KIF1A: variants seen among roughly 807,000 people sequenced by gnomAD.
KIF1A encodes the protein kinesin family member 1A, also known as kinesin-like protein KIF1A.
Under a neutral mutation model 227.3 loss-of-function variants are expected in KIF1A, and 46 were observed. The observed-to-expected ratio is 0.20, with a 90% CI of 0.16 to 0.26. The LOEUF is 0.26. Among genes scored for constraint, KIF1A ranks in the 10% least tolerant of loss-of-function variants. The pLI, the probability that KIF1A is intolerant of heterozygous loss-of-function variation, is 1.00. For synonymous variants in KIF1A, 1,022 were observed against 1,012.8 expected (o/e 1.01, Z -0.17); for missense variants, 1,683 against 2,485.9 (o/e 0.68, Z 6.87).
intron 2 of KIF1A, among the ~76,000 whole-genome samples, chr2:240,791,039 C>T (rs1171124254): frequency 6.6e-6 from 1 of 152,160 alleles, no homozygotes; most frequent in East Asian, 1.9e-4. Flanking sequence ...CACCTGCGCC[C>T]CCATCCCAGG....
intron 28 of KIF1A, among the ~76,000 whole-genome samples, chr2:240,749,611 C>T (rs143474082): frequency 0.018 from 2,783 of 152,312 alleles, 30 homozygotes; most frequent in Middle Eastern, 0.031. Context: ...CGGCACAAGC[C>T]GCCTGTTGCC....
At position 240,787,256 on chromosome 2, in the gene KIF1A, C is replaced by T. The variant is rs745504142; in HGVS notation, c.424G>A (p.Val142Met). The T allele has an allele frequency of 9.3e-6, 15 of 1,612,300 alleles. No homozygotes were observed. The highest frequency in any genetic ancestry group is 1.1e-5 in the South Asian group (1 of 91,062). Reference sequence around the variant, plus strand: ...CGGCAGGCGGGGAGCCCTACCTCCACGGAGTAGGACATGTTGTCGTTGGTC... The same window carrying T: ...CGGCAGGCGGGGAGCCCTACCTCCATGGAGTAGGACATGTTGTCGTTGGTC... ...DTTNDNMSYS[V>M]EVSYMEIYCE... Residue 142 changes from valine (V) to methionine (M), a missense_variant, in exon 5 of 49, where the codon GTG becomes ATG. Val to Met is a conservative substitution (Grantham distance 21). Around this residue, in one of 12 missense-constraint regions of KIF1A, gnomAD observed 75 missense variants for 131.2 expected, o/e 0.57. Coordinates refer to ENST00000498729, the MANE Select transcript of KIF1A (RefSeq NM_001244008.2).
Position 240,758,402 on chromosome 2 carries a change from T to C in KIF1A, c.2540A>G (p.Asp847Gly). 1 of 1,612,506 alleles carries C rather than the reference T, an allele frequency of 6.2e-7. No individual in the cohort carries two copies. The highest frequency in any genetic ancestry group is 8.5e-7 in the Non-Finnish European group (1 of 1,179,202). Residue 847 changes from aspartate to glycine, a missense_variant, in exon 26 of 49, where the codon GAC becomes GGC. Coordinates refer to ENST00000498729, the MANE Select transcript of KIF1A (RefSeq NM_001244008.2). This position sits in a 1 kb window ranked among gnomAD's most constrained non-coding sequence, Gnocchi z 5.2. ...EDCDNVVTGG[D>G]PFYDRFPWFR... ...CCAGGGGAAGCGGTCATAGAAGGGG[T>C]CTCCGCCGGTCACCACGTTGTCACA... is the stretch of plus-strand genomic sequence containing the variant.
chr2:240,733,154 C>T (rs1368281618), intron 38 of KIF1A, among the ~76,000 whole-genome samples: 1 of 151,998 alleles, frequency 6.6e-6, no homozygotes, highest in Non-Finnish European at 1.5e-5. Context: ...GTGTCTTAGT[C>T]ACACGTGAAA....
At chr2:240,747,494 C>T (rs1049289192) in intron 28 of KIF1A, among the ~76,000 whole-genome samples, 173 bp from the exon 29 acceptor site, 3 of 152,158 alleles carry the variant, frequency 2.0e-5, no homozygotes, top group Admixed American at 6.5e-5. Flanking sequence ...GGGCATGTCC[C>T]GGCACACTGA....
Position 240,740,176 on chromosome 2 carries a change from G to T in KIF1A, c.3817-34C>A. ...GCCAGGTGAGAGGATATGGTCAGACGGCTCAGGGGGCTACGTAGGGTGAGG... is the reference window on the plus strand; with the variant it reads ...GCCAGGTGAGAGGATATGGTCAGACTGCTCAGGGGGCTACGTAGGGTGAGG... On this transcript the variant is annotated intron_variant, in intron 36 of 48. Coordinates refer to ENST00000498729, the MANE Select transcript of KIF1A (RefSeq NM_001244008.2). This position sits in a 1 kb window ranked among gnomAD's most constrained non-coding sequence, Gnocchi z 6.1. 2 of 1,581,030 alleles carry T rather than the reference G, an allele frequency of 1.3e-6. No homozygotes were observed. The highest frequency in any genetic ancestry group is 2.3e-5 in the South Asian group (2 of 87,584).
At chr2:240,798,523 C>G (rs1181558009) in intron 1 of KIF1A, among the ~76,000 whole-genome samples, 8 of 152,228 alleles carry the variant, frequency 5.3e-5, no homozygotes, top group Non-Finnish European at 8.8e-5. Context: ...TTCGGCCTGG[C>G]CTTTACCCCA....
At chr2:240,811,030 G>A in intron 1 of KIF1A, among the ~76,000 whole-genome samples, 1 of 152,158 alleles carries the variant, frequency 6.6e-6, no homozygotes, top group Admixed American at 6.5e-5. Context: ...TGTATTCCTT[G>A]TTGTATATTT....
At chr2:240,797,619 C>A in intron 2 of KIF1A, 28 bp downstream of exon 2, 2 of 1,534,162 alleles carry the variant, frequency 1.3e-6, no homozygotes, top group Non-Finnish European at 1.8e-6. Flanking sequence ...CCATGGCCGA[C>A]CCCGATGCTG....
chr2:240,808,417 T>C (rs1216954646), intron 1 of KIF1A, among the ~76,000 whole-genome samples: 1 of 151,854 alleles, frequency 6.6e-6, no homozygotes, highest in East Asian at 1.9e-4. Context: ...CCAGCTACCA[T>C]GGAGGCTGAG....
chr2:240,783,095 G>A lies in KIF1A; in HGVS notation c.813C>T (p.Ile271=). 3 of 1,613,718 alleles carry A rather than the reference G, an allele frequency of 1.9e-6. No individual in the cohort carries two copies. The highest frequency in any genetic ancestry group is 2.5e-6 in the Non-Finnish European group (3 of 1,179,766). ...TGCCCAGGGTGGTCAGCGACTTGTTGATGTTGGCCCCCTCCTGCGGGCAGA... is the reference window on the plus strand; with the variant it reads ...TGCCCAGGGTGGTCAGCGACTTGTTAATGTTGGCCCCCTCCTGCGGGCAGA... ...KGTRLKEGAN[I]NKSLTTLGKV... The change falls in exon 9 of 49, where the codon ATC becomes ATT. Residue 271 remains isoleucine (I), a synonymous_variant. Coordinates refer to ENST00000498729, the MANE Select transcript of KIF1A (RefSeq NM_001244008.2).
intron 14 of KIF1A, 157 bp from the exon 15 acceptor site, chr2:240,771,261 G>C: frequency 2.3e-6 from 2 of 877,146 alleles, no homozygotes; most frequent in African/African-American, 1.7e-5. Flanking sequence ...GTAAGAGATG[G>C]GGCCCAGAGA....
chr2:240,756,061 T>A (rs1338892300), intron 27 of KIF1A, among the ~76,000 whole-genome samples: 1 of 151,952 alleles, frequency 6.6e-6, no homozygotes, highest in African/African-American at 2.4e-5. Context: ...AATAAATCCA[T>A]GGCACCTGCC....
chr2:240,784,816 C>T lies in KIF1A; in HGVS notation c.720+173G>A, dbSNP rs919403385. ...AGGCATGGGAGAAGGGCCTCTGGGG[C>T]GGGGGGGGGGACGTCCACACCTGGT... On this transcript the variant is annotated intron_variant, in intron 7 of 48. Transcript: ENST00000498729. Among the ~76,000 whole-genome samples, 6 of 138,068 alleles carry T rather than the reference C, an allele frequency of 4.3e-5. No homozygotes were observed. In the East Asian group the frequency reaches 9.0e-4, roughly 21 times the overall value. The allele number at this position is 138,068 out of a possible 152,430, so 90.6% of individuals were successfully genotyped here.
intron 38 of KIF1A, among the ~76,000 whole-genome samples, chr2:240,735,119 A>G (rs73011029): frequency 0.033 from 4,986 of 152,258 alleles, 131 homozygotes; most frequent in Middle Eastern, 0.071. Context: ...ACAGTCCCCA[A>G]GACTGCTCCA....
intron 1 of KIF1A, among the ~76,000 whole-genome samples, chr2:240,803,973 T>C (rs2057185400): frequency 6.6e-6 from 1 of 152,210 alleles, no homozygotes; most frequent in Non-Finnish European, 1.5e-5. Context: ...TTAAAATTAA[T>C]ATTTCCTGCC....
rs772025810 is a variant in KIF1A, at chr2:240,719,939, G to C, written c.4869-13C>G. The C allele has an allele frequency of 6.2e-7, 1 of 1,602,224 alleles. No homozygotes were observed. Among genetic ancestry groups the C allele is most frequent in the East Asian group, 2.2e-5 (1 of 44,728 alleles). ...GGGCTGCGGGGTCCTGGGAAGCAGA[G>C]GGAAGTGCTGCCCACTGCAGGCCTC... On this transcript the variant is annotated splice_polypyrimidine_tract_variant and intron_variant, in intron 45 of 48. Coordinates refer to ENST00000498729, the MANE Select transcript of KIF1A (RefSeq NM_001244008.2).
chr2:240,760,971 C>G, intron 24 of KIF1A, 128 bp from the exon 25 acceptor site: 2 of 1,016,626 alleles, frequency 2.0e-6, no homozygotes, highest in Non-Finnish European at 2.8e-6. Flanking sequence ...TGGAACCTTT[C>G]AGACAGCCGC....
intron 45 of KIF1A, 55 bp downstream of exon 45, chr2:240,720,859 G>A (rs2045275244): frequency 2.7e-6 from 4 of 1,498,564 alleles, no homozygotes; most frequent in African/African-American, 1.4e-5. Context: ...CACGGCCATG[G>A]TCATGGGTCA....
Sources: allele counts gnomAD v4.1 joint callset (sites outside exome capture counted in the v4.1 genomes callset), GRCh38; gene constraint gnomAD v4.1.1; regional missense constraint gnomAD v4.1.1; non-coding constraint Gnocchi (gnomAD v3.1); transcripts MANE v1.5; gene names NCBI Gene and HGNC (gene_info 2026-07-23, HGNC 2026-07-21).